Variants in DAB1 observed in about 807,000 individuals in gnomAD.
The protein encoded by DAB1 is disabled homolog 1.
In DAB1, 15 loss-of-function variants were observed where a neutral mutation model predicts 64.6. The observed-to-expected ratio is 0.23, with a 90% CI of 0.16 to 0.36. The LOEUF is 0.36. Among genes scored for constraint, DAB1 ranks in the 10% least tolerant of loss-of-function variants. The pLI is 1.00. For missense variants in DAB1, 596 were observed against 706.7 expected, an observed-to-expected ratio of 0.84 and a Z score of 1.78; for synonymous variants, 235 against 251.9, an observed-to-expected ratio of 0.93 and a Z score of 0.64.
chr1:58,073,502 C>T (rs1649404239), intron 5 of DAB1, among the ~76,000 whole-genome samples: 1 of 152,180 alleles, frequency 6.6e-6, no homozygotes, highest in Non-Finnish European at 1.5e-5. Context: ...TAGACTGTGA[C>T]TTCCTTTAAG....
At chr1:58,372,237 G>C (rs574598649) in intron 3 of DAB1, among the ~76,000 whole-genome samples, 1 of 152,338 alleles carries the variant, frequency 6.6e-6, no homozygotes, top group African/African-American at 2.4e-5. Context: ...CTTTGCATCA[G>C]CATTTCCTGG....
chr1:58,147,008 T>C (rs535236594), intron 5 of DAB1, among the ~76,000 whole-genome samples: 2 of 152,168 alleles, frequency 1.3e-5, no homozygotes, highest in East Asian at 3.9e-4. Flanking sequence ...GGTGGGAATG[T>C]AAATAGTATA....
At chr1:57,414,500 A>G (rs1235674463) in intron 1 of DAB1, among the ~76,000 whole-genome samples, 1 of 152,230 alleles carries the variant, frequency 6.6e-6, no homozygotes, top group African/African-American at 2.4e-5. Flanking sequence ...TAGTGTAAAC[A>G]TAACTTTTAT....
chr1:57,037,464 C>CA (rs1169709510), intron 9 of DAB1, among the ~76,000 whole-genome samples: 2 of 152,170 alleles, frequency 1.3e-5, no homozygotes, highest in African/African-American at 2.4e-5. Context: ...GATCTAAACT[C>CA]AGAGCTCAGA....
intron 1 of DAB1, among the ~76,000 whole-genome samples, chr1:57,850,584 C>T (rs965568797): frequency 7.2e-5 from 11 of 152,030 alleles, no homozygotes; most frequent in Non-Finnish European, 1.5e-4. Context: ...GATCATTAGT[C>T]GCTGTGGCTC....
At chr1:58,204,650 G>A (rs1246688014) in intron 4 of DAB1, among the ~76,000 whole-genome samples, 1 of 152,188 alleles carries the variant, frequency 6.6e-6, no homozygotes, top group Non-Finnish European at 1.5e-5. Flanking sequence ...TGAAGAAGCT[G>A]AGGTATTTGT....
intron 4 of DAB1, among the ~76,000 whole-genome samples, chr1:58,156,449 A>G (rs749645271): frequency 6.6e-6 from 1 of 152,104 alleles, no homozygotes; most frequent in Non-Finnish European, 1.5e-5. Context: ...TACACCCTCT[A>G]TTTCCACTCA....
chr1:57,070,260 T>C (rs1465758651), intron 7 of DAB1, among the ~76,000 whole-genome samples: 1 of 152,222 alleles, frequency 6.6e-6, no homozygotes, highest in African/African-American at 2.4e-5. Flanking sequence ...TGCATCCAGT[T>C]AGAAGTGTAA....
intron 2 of DAB1, among the ~76,000 whole-genome samples, chr1:57,226,672 A>AAAAAATATAT (rs747021990): frequency 5.2e-4 from 71 of 135,994 alleles, no homozygotes; most frequent in African/African-American, 2.0e-3. Context: ...TTAAAAAAAA[A>AAAAAATATAT]ATATATATAT....
chr1:58,357,892 C>A (rs1474438668), intron 3 of DAB1, among the ~76,000 whole-genome samples: 1 of 152,182 alleles, frequency 6.6e-6, no homozygotes, highest in Admixed American at 6.5e-5. Context: ...TCCATCCTCC[C>A]TGCCTTCCTC....
intron 7 of DAB1, among the ~76,000 whole-genome samples, chr1:57,459,299 C>A (rs1288841218): frequency 6.6e-6 from 1 of 152,112 alleles, no homozygotes; most frequent in African/African-American, 2.4e-5. Context: ...TGATGGAAAA[C>A]CATCCTATCA....
chr1:58,018,239 C>A (rs1477035582), intron 5 of DAB1, among the ~76,000 whole-genome samples: 3 of 152,124 alleles, frequency 2.0e-5, no homozygotes, highest in African/African-American at 7.2e-5. Flanking sequence ...TCCCTACTAT[C>A]TCCTTCTTCC....
intron 1 of DAB1, among the ~76,000 whole-genome samples, chr1:57,408,727 T>C (rs1026005656): frequency 6.6e-6 from 1 of 152,208 alleles, no homozygotes. Flanking sequence ...TCTCCCTTCA[T>C]TGTTTGCCTG....
intron 1 of DAB1, among the ~76,000 whole-genome samples, chr1:57,304,636 T>C (rs776941747): frequency 2.0e-5 from 3 of 152,158 alleles, no homozygotes; most frequent in South Asian, 2.1e-4. Flanking sequence ...ATAAATAAGG[T>C]AATATATGCA....
intron 5 of DAB1, among the ~76,000 whole-genome samples, chr1:57,922,950 CTCTTCCTCCCTTTCTT>C (rs1362750222): frequency 2.1e-4 from 32 of 149,406 alleles, no homozygotes; most frequent in Admixed American, 2.1e-3. Context: ...TTCCTTTCTT[CTCTTCCTCCCTTTCTT>C]TCTTCCTCCC....
intron 2 of DAB1, among the ~76,000 whole-genome samples, chr1:57,174,198 C>T (rs1662065271): frequency 6.6e-6 from 1 of 152,182 alleles, no homozygotes; most frequent in Non-Finnish European, 1.5e-5. Context: ...GCCTTCCAGA[C>T]TTGCTATCTG....
intron 6 of DAB1, among the ~76,000 whole-genome samples, chr1:57,651,762 C>T (rs1646259148): frequency 6.6e-6 from 1 of 152,144 alleles, no homozygotes; most frequent in Non-Finnish European, 1.5e-5. Context: ...CATCAATCTT[C>T]CTTTATATTA....
At chr1:58,359,732 G>A (rs1360579739) in intron 3 of DAB1, among the ~76,000 whole-genome samples, 1 of 46,202 alleles carries the variant, frequency 2.2e-5, no homozygotes, top group Non-Finnish European at 5.5e-5. Context: ...GCAGTAGTAT[G>A]GTTATTTATT....
chr1:58,172,242 G>T (rs1315895759), intron 4 of DAB1, among the ~76,000 whole-genome samples: 1 of 152,230 alleles, frequency 6.6e-6, no homozygotes, highest in Non-Finnish European at 1.5e-5. Flanking sequence ...AGCAGGGATA[G>T]CTCTTGGAGT....
Sources: gnomAD v4.1 joint callset for allele counts (sites outside exome capture counted in the v4.1 genomes callset) on GRCh38, gnomAD v4.1.1 for gene constraint, MANE v1.5 for transcripts, NCBI Gene and HGNC (gene_info 2026-07-23, HGNC 2026-07-21) for gene names.